Variants in FAT1 observed in about 807,000 individuals in gnomAD.
FAT1 encodes protocadherin Fat 1.
FAT1 carries 171 observed loss-of-function variants against 329.8 expected under a neutral mutation model. The ratio of observed to expected loss-of-function variants is 0.52; its 90% CI spans 0.46 to 0.59. The LOEUF is 0.59. Ranked by LOEUF, FAT1 falls within the 20% of genes least tolerant of loss-of-function variation. The probability of loss-of-function intolerance (pLI) is 0.00; values close to 1 mark genes in which losing one functional copy is unlikely to be tolerated. For synonymous variants in FAT1, 2,233 were observed against 2,228.6 expected (o/e 1.00, Z -0.06); for missense variants, 5,672 against 5,774.4 (o/e 0.98, Z 0.57).
At chr4:186,659,830 C>A (rs1742083342) in intron 3 of FAT1, among the ~76,000 whole-genome samples, 1 of 149,192 alleles carries the variant, frequency 6.7e-6, no homozygotes, top group South Asian at 2.2e-4. Flanking sequence ...CCTGGGTGCT[C>A]CTGCACTCTA....
intron 10 of FAT1, 75 bp downstream of exon 10, chr4:186,617,633 A>G: frequency 1.6e-6 from 2 of 1,228,922 alleles, no homozygotes; most frequent in East Asian, 4.9e-5. Flanking sequence ...ATTTCCATAC[A>G]ATACAGATCT....
intron 1 of FAT1, among the ~76,000 whole-genome samples, chr4:186,714,862 G>A (rs534110527): frequency 3.2e-4 from 48 of 152,286 alleles, no homozygotes; most frequent in African/African-American, 1.1e-3. Flanking sequence ...GGCGGATCAC[G>A]AGGTCAAGAG....
At chr4:186,718,244 A>G (rs1161086561) in intron 1 of FAT1, among the ~76,000 whole-genome samples, 1 of 152,168 alleles carries the variant, frequency 6.6e-6, no homozygotes, top group Non-Finnish European at 1.5e-5. Flanking sequence ...ACACCTCAGA[A>G]GAGATGCCAC....
At chr4:186,685,679 G>A (rs766092312) in intron 2 of FAT1, among the ~76,000 whole-genome samples, 1 of 152,172 alleles carries the variant, frequency 6.6e-6, no homozygotes, top group Non-Finnish European at 1.5e-5. Context: ...ACATAACTCT[G>A]ATTTCTATAA....
chr4:186,592,771 A>T (rs1374053627), intron 26 of FAT1: 1 of 456,682 alleles, frequency 2.2e-6, no homozygotes, highest in Middle Eastern at 3.3e-4. Flanking sequence ...AAGGTACAAA[A>T]GCAGTCAATT....
chr4:186,590,491 T>C, intron 26 of FAT1: 1 of 875,762 alleles, frequency 1.1e-6, no homozygotes, highest in Non-Finnish European at 1.6e-6. Context: ...CACAGAACAA[T>C]GAAAACTGCT....
intron 2 of FAT1, among the ~76,000 whole-genome samples, chr4:186,701,948 C>A (rs953225761): frequency 5.9e-5 from 9 of 151,956 alleles, no homozygotes; most frequent in African/African-American, 2.2e-4. Context: ...AGCCGGGCGG[C>A]CAGGAGCCGA....
rs1399514493 is a variant in FAT1, at chr4:186,598,039, C to T, written c.12190G>A (p.Gly4064Arg). Residue 4064 changes from glycine to arginine, a missense_variant, in exon 23 of 27, where the codon GGG becomes AGG. Gly to Arg is a moderately radical substitution (Grantham distance 125). This residue lies in a region of FAT1 where 1,706 missense variants were observed against 1,859.1 expected (regional missense o/e 0.92). Coordinates refer to ENST00000441802, the MANE Select transcript of FAT1 (RefSeq NM_005245.4). ...CCGTTGTCGACAACACACGTGCCCCCATAGAGGCATGGCTTGGAGGAACAC... is the reference window on the plus strand; with the variant it reads ...CCGTTGTCGACAACACACGTGCCCCTATAGAGGCATGGCTTGGAGGAACAC... ...NPCSSKPCLY[G>R]GTCVVDNGGF... is the part of the protein sequence containing the mutation. 1.9e-6 allele frequency: 3 copies of T among 1,613,840 alleles called. No homozygotes were observed. The highest frequency in any genetic ancestry group is 3.3e-5 in the Admixed American group (2 of 59,990).
At chr4:186,632,087 G>A (rs1300361133) in intron 7 of FAT1, among the ~76,000 whole-genome samples, 1 of 152,176 alleles carries the variant, frequency 6.6e-6, no homozygotes, top group Non-Finnish European at 1.5e-5. Flanking sequence ...AGTTACAGAA[G>A]TATAAAGGAA....
chr4:186,715,098 T>G, intron 1 of FAT1, among the ~76,000 whole-genome samples: 1 of 150,810 alleles, frequency 6.6e-6, no homozygotes, highest in East Asian at 2.0e-4. Flanking sequence ...AAAAAAGTAC[T>G]TGCTGATGCG....
At position 186,663,388 on chromosome 4, in the gene FAT1, A is replaced by G; in HGVS notation, c.3491T>C (p.Phe1164Ser). The G allele has an allele frequency of 1.2e-6, 2 of 1,614,028 alleles. No homozygotes were observed. The highest frequency in any genetic ancestry group is 1.7e-6 in the Non-Finnish European group (2 of 1,179,900). ...KDVSVVQIEA[F>S]DPDSSSNDKL... is the part of the protein sequence containing the mutation. ...GTCATTAGAGCTCGAATCTGGATCA[A>G]ATGCCTCGATCTGGACCACAGATAC... The change falls in exon 3 of 27, where the codon TTT (phenylalanine) becomes TCT (serine). Residue 1164 changes from phenylalanine to serine, a missense_variant. Around this residue, in one of 2 missense-constraint regions of FAT1, gnomAD observed 3,966 missense variants for 3,915.2 expected, o/e 1.01. Transcript: ENST00000441802.
intron 3 of FAT1, among the ~76,000 whole-genome samples, chr4:186,653,888 T>C (rs1389948309): frequency 6.6e-6 from 1 of 152,174 alleles, no homozygotes; most frequent in East Asian, 1.9e-4. Flanking sequence ...ACCCCTGCGG[T>C]ACATGCTTCA....
intron 3 of FAT1, among the ~76,000 whole-genome samples, chr4:186,652,743 G>A (rs893109714): frequency 2.0e-5 from 3 of 152,048 alleles, no homozygotes; most frequent in Admixed American, 1.3e-4. Context: ...TGCAGCTTTA[G>A]CTATTTCCTA....
chr4:186,616,856 C>T (rs1180437779), intron 11 of FAT1, 149 bp downstream of exon 11: 11 of 637,296 alleles, frequency 1.7e-5, no homozygotes, highest in Non-Finnish European at 2.6e-5. Context: ...GAAGCTTTTC[C>T]AAGTCTTACC....
At chr4:186,631,400 G>C (rs941190481) in intron 7 of FAT1, among the ~76,000 whole-genome samples, 361 of 69,546 alleles carry the variant, frequency 5.2e-3, no homozygotes, top group Middle Eastern at 0.013. Flanking sequence ...CCAGCTGACT[G>C]CTCTGCTCTT....
chr4:186,658,247 A>G (rs927713137), intron 3 of FAT1, among the ~76,000 whole-genome samples: 1 of 152,236 alleles, frequency 6.6e-6, no homozygotes, highest in African/African-American at 2.4e-5. Flanking sequence ...CCCTACTTGC[A>G]AACAATATAA....
chr4:186,625,269 T>C (rs1335387729), intron 9 of FAT1, among the ~76,000 whole-genome samples: 2 of 152,240 alleles, frequency 1.3e-5, no homozygotes, highest in East Asian at 3.9e-4. Context: ...ACTGTTTTTC[T>C]AACTGCAAAT....
chr4:186,687,006 A>G (rs985664467), intron 2 of FAT1, among the ~76,000 whole-genome samples: 5 of 152,228 alleles, frequency 3.3e-5, no homozygotes, highest in African/African-American at 1.2e-4. Flanking sequence ...GAGTGAAAGC[A>G]TGTTTTACAG....
chr4:186,601,915 C>T (rs1738834867), intron 20 of FAT1, among the ~76,000 whole-genome samples: 1 of 152,118 alleles, frequency 6.6e-6, no homozygotes, highest in Non-Finnish European at 1.5e-5. Context: ...CAAAAGATAA[C>T]ATCAATATAA....
Sources: allele counts gnomAD v4.1 joint callset (sites outside exome capture counted in the v4.1 genomes callset), GRCh38; gene constraint gnomAD v4.1.1; regional missense constraint gnomAD v4.1.1; transcripts MANE v1.5; gene names NCBI Gene and HGNC (gene_info 2026-07-23, HGNC 2026-07-21).